The following ZC3H12C variants were observed in gnomAD, a reference collection of about 807,000 sequenced individuals.
ZC3H12C encodes probable ribonuclease ZC3H12C.
Under a neutral mutation model 76.3 loss-of-function variants are expected in ZC3H12C, and 20 were observed. That is an observed-to-expected ratio of 0.26 (90% CI 0.18 to 0.38). The LOEUF is 0.38. ZC3H12C is among the 10% of genes least tolerant of loss of function. The pLI, the probability that ZC3H12C is intolerant of heterozygous loss-of-function variation, is 1.00. For synonymous variants in ZC3H12C, 352 were observed against 399.6 expected (o/e 0.88, Z 1.42); for missense variants, 874 against 1,086.5 (o/e 0.80, Z 2.75).
chr11:110,118,045 CATATATATTATATAT>C (rs768129631), intron 1 of ZC3H12C, among the ~76,000 whole-genome samples: 15,753 of 121,458 alleles, frequency 0.13, 4,458 homozygotes, highest in Non-Finnish European at 0.15. Context: ...TATATATACA[CATATATATTATATAT>C]ATACACACAC....
chr11:110,106,735 G>T (rs533182656), intron 1 of ZC3H12C, among the ~76,000 whole-genome samples: 2 of 152,082 alleles, frequency 1.3e-5, no homozygotes, highest in Admixed American at 1.3e-4. Context: ...AAAGTTATTT[G>T]TTTTTATGTA....
chr11:110,130,963 G>T, intron 1 of ZC3H12C: 1 of 1,455,784 alleles, frequency 6.9e-7, no homozygotes, highest in South Asian at 1.3e-5. Flanking sequence ...CTCGGTAATA[G>T]GTTAAGCAAA....
chr11:110,144,963 A>C (rs764284734), intron 2 of ZC3H12C, among the ~76,000 whole-genome samples: 6 of 152,294 alleles, frequency 3.9e-5, no homozygotes, highest in African/African-American at 2.4e-5. Flanking sequence ...TATATACCTA[A>C]AGAAAACATT....
At chr11:110,108,962 A>G (rs1011344043) in intron 1 of ZC3H12C, among the ~76,000 whole-genome samples, 7 of 152,246 alleles carry the variant, frequency 4.6e-5, no homozygotes, top group African/African-American at 9.6e-5. Context: ...AAGTTGTTCA[A>G]TATTAGGAAA....
At chr11:110,114,710 C>G (rs897306028) in intron 1 of ZC3H12C, among the ~76,000 whole-genome samples, 2 of 152,144 alleles carry the variant, frequency 1.3e-5, no homozygotes, top group African/African-American at 4.8e-5. Flanking sequence ...TAGCTCATGT[C>G]TCTAAAATGC....
chr11:110,143,392 C>A (rs1159000436), intron 2 of ZC3H12C, among the ~76,000 whole-genome samples: 1 of 151,860 alleles, frequency 6.6e-6, no homozygotes, highest in African/African-American at 2.4e-5. Context: ...AAATTAAAAT[C>A]TATTTTCATG....
intron 1 of ZC3H12C, chr11:110,130,886 A>T: frequency 1.4e-6 from 1 of 700,072 alleles, no homozygotes; most frequent in Non-Finnish European, 2.4e-6. Flanking sequence ...CAGGGTGCTG[A>T]GGTTGTCTTG....
chr11:110,133,816 A>G (rs1481923443), intron 1 of ZC3H12C, among the ~76,000 whole-genome samples: 2 of 152,230 alleles, frequency 1.3e-5, no homozygotes, highest in African/African-American at 4.8e-5. Context: ...GATAGAAGAT[A>G]TAGAAAGATT....
intron 2 of ZC3H12C, among the ~76,000 whole-genome samples, chr11:110,147,130 A>G (rs928893151): frequency 6.6e-6 from 1 of 152,174 alleles, no homozygotes; most frequent in African/African-American, 2.4e-5. Context: ...TGCCTGTTCC[A>G]TTAGTCAAAC....
At chr11:110,101,523 G>A (rs73549268) in intron 1 of ZC3H12C, among the ~76,000 whole-genome samples, 5,070 of 151,138 alleles carry the variant, frequency 0.034, 172 homozygotes, top group East Asian at 0.088. Context: ...TCGAAAAATC[G>A]TAAGGCCCTT....
rs554247184 is a variant in ZC3H12C at position 110,109,728 on chromosome 11, TTGAC to T, written c.21+16299_21+16302del. 2.6e-4 allele frequency among the ~76,000 whole-genome samples: 40 copies of T among 152,330 alleles called. No homozygotes were observed. In the South Asian group the frequency reaches 3.9e-3, roughly 15 times the overall value. On this transcript the variant is annotated intron_variant, in intron 1 of 5. Transcript: ENST00000278590. ...ATGCATTTACAACATAAATTTTTCT[TTGAC>T]TGTCAGTTTGGCCATATCCTGTAGG...
At chr11:110,144,317 G>A (rs114873664) in intron 2 of ZC3H12C, among the ~76,000 whole-genome samples, 2,297 of 152,272 alleles carry the variant, frequency 0.015, 57 homozygotes, top group African/African-American at 0.051. Flanking sequence ...CGAAGACTTC[G>A]ATATGCCACG....
In ZC3H12C at chr11:110,101,207, G is replaced by A. The variant is rs548295698; in HGVS notation, c.21+7775G>A. Among the ~76,000 whole-genome samples the A allele has an allele frequency of 6.2e-4, 95 of 152,278 alleles. 1 individual carries two copies. The South Asian group carries it at 0.019, about 30-fold the overall frequency. On this transcript the variant is annotated intron_variant, in intron 1 of 5. Transcript: ENST00000278590. ...GTTCTATGAAGGCTAAGAGAGGTGAGGAAGCTGCAGAAAAAAAGTTCAAAG... is the reference window on the plus strand; with the variant it reads ...GTTCTATGAAGGCTAAGAGAGGTGAAGAAGCTGCAGAAAAAAAGTTCAAAG...
At position 110,165,498 on chromosome 11, in the gene ZC3H12C, G is replaced by A. The variant is rs1295671152; in HGVS notation, c.2413G>A (p.Glu805Lys). 1.2e-6 allele frequency: 2 copies of A among 1,614,004 alleles called. No homozygotes were observed. Among genetic ancestry groups the A allele is most frequent in the Non-Finnish European group, 1.7e-6 (2 of 1,179,886 alleles). Reference protein sequence around the residue: ...LPDNSTQPCYEQFTFQSLPEQ... With the variant: ...LPDNSTQPCYKQFTFQSLPEQ... The stretch of plus-strand genomic sequence containing the variant: ...CGATAACTCCACACAGCCGTGTTAT[G>A]AGCAGTTCACCTTCCAGAGCCTCCC... Residue 805 changes from glutamate (E) to lysine (K), a missense_variant, in exon 6 of 6, where the codon GAG becomes AAG. Around this residue, in one of 3 missense-constraint regions of ZC3H12C, gnomAD observed 395 missense variants for 434.4 expected, o/e 0.91. Transcript: ENST00000278590.
chr11:110,147,978 T>C (rs1238934746), intron 2 of ZC3H12C, among the ~76,000 whole-genome samples: 2 of 152,082 alleles, frequency 1.3e-5, no homozygotes, highest in Admixed American at 1.3e-4. Context: ...CATCCATCCA[T>C]CCAGAAGGTC....
At chr11:110,163,435 A>G in intron 5 of ZC3H12C, 56 bp downstream of exon 5, 2 of 1,392,758 alleles carry the variant, frequency 1.4e-6, no homozygotes, top group Non-Finnish European at 1.9e-6. Flanking sequence ...ATATTATTAA[A>G]CTTTTGTTAA....
intron 1 of ZC3H12C, among the ~76,000 whole-genome samples, chr11:110,110,121 AG>A (rs1861401049): frequency 6.6e-6 from 1 of 152,200 alleles, no homozygotes; most frequent in South Asian, 2.1e-4. Flanking sequence ...TAAACCCTGG[AG>A]TTTAATGCCA....
At chr11:110,101,387 A>T (rs1241789620) in intron 1 of ZC3H12C, among the ~76,000 whole-genome samples, 3 of 152,198 alleles carry the variant, frequency 2.0e-5, no homozygotes, top group Non-Finnish European at 1.5e-5. Context: ...AGAAAATGCC[A>T]TCTAAGACTT....
At chr11:110,149,218 C>T (rs549126923) in intron 2 of ZC3H12C, among the ~76,000 whole-genome samples, 1 of 152,276 alleles carries the variant, frequency 6.6e-6, no homozygotes, top group African/African-American at 2.4e-5. Context: ...GGGGCCTCAT[C>T]AGGGGAATAT....
Sources: gnomAD v4.1 joint callset for allele counts (sites outside exome capture counted in the v4.1 genomes callset) on GRCh38, gnomAD v4.1.1 for gene constraint, gnomAD v4.1.1 regional missense constraint, MANE v1.5 for transcripts, NCBI Gene and HGNC (gene_info 2026-07-23, HGNC 2026-07-21) for gene names.